BSN: variants seen among roughly 807,000 people sequenced by gnomAD.
The protein encoded by BSN is bassoon presynaptic cytomatrix protein, also known as protein bassoon.
A neutral mutation model predicts 264.8 loss-of-function variants in BSN; 57 were observed. That is an observed-to-expected ratio of 0.22 (90% CI 0.17 to 0.27). BSN has a LOEUF of 0.27. Ranked by LOEUF, BSN falls within the 10% of genes least tolerant of loss-of-function variation. BSN has a pLI of 1.00. For synonymous variants in BSN, 2,059 were observed against 2,137.3 expected (o/e 0.96, Z 1.01); for missense variants, 4,615 against 5,232.5 (o/e 0.88, Z 3.64).
rs1394950898 is a variant in BSN, at chr3:49,631,548, ACT to A, written c.633+6168_633+6169del. Among the ~76,000 whole-genome samples, 3 of 144,114 alleles carry A rather than the reference ACT, an allele frequency of 2.1e-5. No homozygotes were observed. In the East Asian group the frequency reaches 6.1e-4, roughly 29 times the overall value. The allele number at this position is 144,114 out of a possible 152,430, so 94.5% of individuals were successfully genotyped here. A position where few individuals can be genotyped will look rare whatever the true frequency, so the allele number is the denominator to read the frequency against. On this transcript the variant is annotated intron_variant, in intron 2 of 11. Transcript: ENST00000296452. ...CCTCCAGCCAGGGTGACAGAGTAAG[ACT>A]CTGTCTCAAAAAAAAAAAAAAAAAA...
chr3:49,567,846 A>T (rs2051765734), intron 1 of BSN, among the ~76,000 whole-genome samples: 1 of 152,230 alleles, frequency 6.6e-6, no homozygotes. Flanking sequence ...CAGCTGGAAG[A>T]CTTGAAGGCC....
chr3:49,564,219 G>A (rs2051735926), intron 1 of BSN, among the ~76,000 whole-genome samples: 2 of 152,060 alleles, frequency 1.3e-5, no homozygotes, highest in South Asian at 4.2e-4. Flanking sequence ...AAGGATGCGG[G>A]GCCTTCCCTC....
intron 1 of BSN, among the ~76,000 whole-genome samples, chr3:49,579,485 C>T (rs1429477561): frequency 1.3e-5 from 2 of 151,944 alleles, no homozygotes; most frequent in African/African-American, 4.8e-5. Context: ...TCACTGCAGC[C>T]TCCGACTCCA....
chr3:49,656,044 A>C lies in BSN; in HGVS notation c.6488A>C (p.Asn2163Thr), dbSNP rs766632848. ...CCAGAGGGCCACCCAAGTCCTGGGA[A>C]CTTGGCCCAGTATGGGCCTGCAGCA... ...TFPEGHPSPG[N>T]LAQYGPAAGQ... The change falls in exon 5 of 12, where the codon AAC (asparagine) becomes ACC (threonine). Residue 2163 changes from asparagine (N) to threonine (T), a missense_variant. By Grantham distance (65) the Asn-to-Thr change is moderately conservative. Transcript: ENST00000296452. 2 of 1,604,020 alleles carry C rather than the reference A, an allele frequency of 1.2e-6. No homozygotes were observed. The highest frequency in any genetic ancestry group is 1.1e-5 in the South Asian group (1 of 90,534).
intron 3 of BSN, among the ~76,000 whole-genome samples, chr3:49,647,639 C>T (rs1475274516): frequency 1.3e-5 from 2 of 152,048 alleles, no homozygotes; most frequent in African/African-American, 2.4e-5. Flanking sequence ...TGGAAACGAG[C>T]GGAAGAATAA....
chr3:49,609,531 G>A (rs988351034), intron 1 of BSN, among the ~76,000 whole-genome samples: 23 of 152,146 alleles, frequency 1.5e-4, no homozygotes, highest in Non-Finnish European at 2.9e-4. Context: ...AAAACTGCCT[G>A]GATAGGAGGA....
At chr3:49,632,317 T>C (rs2052388788) in intron 2 of BSN, among the ~76,000 whole-genome samples, 1 of 151,828 alleles carries the variant, frequency 6.6e-6, no homozygotes, top group African/African-American at 2.4e-5. Flanking sequence ...AAAGAAAAAA[T>C]AGACAAAATA....
chr3:49,648,291 G>T (rs2052515030), intron 3 of BSN, among the ~76,000 whole-genome samples: 1 of 152,258 alleles, frequency 6.6e-6, no homozygotes, highest in African/African-American at 2.4e-5. Flanking sequence ...GTGGGCCAGG[G>T]CAGATATCCA....
chr3:49,603,642 G>T (rs2108034791), intron 1 of BSN, among the ~76,000 whole-genome samples: 1 of 152,336 alleles, frequency 6.6e-6, no homozygotes, highest in South Asian at 2.1e-4. Flanking sequence ...GATCTCTGCA[G>T]TCCATTAGAA....
At chr3:49,576,980 A>G (rs1173206393) in intron 1 of BSN, among the ~76,000 whole-genome samples, 1 of 152,116 alleles carries the variant, frequency 6.6e-6, no homozygotes, top group African/African-American at 2.4e-5. Flanking sequence ...CTCTTCTCCA[A>G]AGGTTTTGGT....
intron 1 of BSN, among the ~76,000 whole-genome samples, chr3:49,597,483 C>T (rs896006262): frequency 6.6e-6 from 1 of 152,110 alleles, no homozygotes; most frequent in Non-Finnish European, 1.5e-5. Flanking sequence ...GTGTGCCCCA[C>T]CACACCCAGC....
chr3:49,557,970 A>G (rs2051687177), intron 1 of BSN, among the ~76,000 whole-genome samples: 1 of 152,172 alleles, frequency 6.6e-6, no homozygotes, highest in Admixed American at 6.5e-5. Flanking sequence ...TGTGGATGGT[A>G]TGGAAAGGAT....
chr3:49,588,945 C>G (rs546612992), intron 1 of BSN, among the ~76,000 whole-genome samples: 2 of 149,322 alleles, frequency 1.3e-5, no homozygotes, highest in South Asian at 2.1e-4. Context: ...GACAGAGTCT[C>G]GCTCTGTCGC....
chr3:49,592,619 C>A (rs1289265972), intron 1 of BSN, among the ~76,000 whole-genome samples: 2 of 150,938 alleles, frequency 1.3e-5, no homozygotes, highest in Non-Finnish European at 3.0e-5. Flanking sequence ...GGCGTGGTGG[C>A]GGGCGCCTGT....
chr3:49,595,102 G>GA (rs1322476786), intron 1 of BSN, among the ~76,000 whole-genome samples: 2 of 152,030 alleles, frequency 1.3e-5, no homozygotes, highest in Non-Finnish European at 2.9e-5. Context: ...TGTTGGCCAG[G>GA]ATGGTCTCGA....
chr3:49,572,292 C>T (rs1177629698), intron 1 of BSN, among the ~76,000 whole-genome samples: 1 of 152,186 alleles, frequency 6.6e-6, no homozygotes, highest in African/African-American at 2.4e-5. Flanking sequence ...GGAATGGAAC[C>T]TCTACTCAAA....
In BSN at chr3:49,652,521, A is replaced by G. The variant is rs761836444; in HGVS notation, c.2965A>G (p.Ser989Gly). Residue 989 changes from serine (S) to glycine (G), a missense_variant, in exon 5 of 12, where the codon AGC becomes GGC. Transcript: ENST00000296452. ...CTCTACATTGCCTGCCTCCACACCC[A>G]GCTACACCTCGGGCACCTCTCCCAC... ...HSSTLPASTP[S>G]YTSGTSPTSL... is the part of the protein sequence containing the mutation. 1.2e-6 allele frequency: 2 copies of G among 1,613,630 alleles called. No individual in the cohort carries two copies. The highest frequency in any genetic ancestry group is 2.2e-5 in the South Asian group (2 of 91,072).
At chr3:49,633,063 T>C (rs2052393308) in intron 2 of BSN, among the ~76,000 whole-genome samples, 1 of 151,940 alleles carries the variant, frequency 6.6e-6, no homozygotes, top group Non-Finnish European at 1.5e-5. Context: ...TCCTAGCACT[T>C]TGGGAGGCTG....
rs765139121 is a variant in BSN at position 49,557,575 on chromosome 3, GT to G, written c.224+2769del. On this transcript the variant is annotated intron_variant, in intron 1 of 11. Coordinates refer to ENST00000296452, the MANE Select transcript of BSN (RefSeq NM_003458.4). ...CAGCTCTGTGGACTTGCACCTGTCA[GT>G]TTTTTTTTTTTTTTTTTTTGAGTTG... 9.1e-3 allele frequency among the ~76,000 whole-genome samples: 1,203 copies of G among 132,442 alleles called. 10 individuals are homozygous for G. The highest frequency in any genetic ancestry group is 0.028 in the African/African-American group (993 of 35,046). 86.9% of individuals were successfully genotyped at this position (132,442 alleles called of 152,430 possible).
Sources: gnomAD v4.1 joint callset for allele counts (sites outside exome capture counted in the v4.1 genomes callset) on GRCh38, gnomAD v4.1.1 for gene constraint, MANE v1.5 for transcripts, NCBI Gene and HGNC (gene_info 2026-07-23, HGNC 2026-07-21) for gene names.